CACNA2D3: variants seen among roughly 807,000 people sequenced by gnomAD.
The protein encoded by CACNA2D3 is voltage-dependent calcium channel subunit alpha-2/delta-3.
Under a neutral mutation model 160.6 loss-of-function variants are expected in CACNA2D3, and 60 were observed. The observed-to-expected ratio is 0.37, with a 90% CI of 0.30 to 0.46. The LOEUF (loss-of-function observed/expected upper bound fraction) is 0.46. CACNA2D3 is among the 20% of genes least tolerant of loss of function. CACNA2D3 has a pLI of 1.00. For missense variants in CACNA2D3, 1,205 were observed against 1,365.0 expected (o/e 0.88, Z 1.85); for synonymous variants, 558 against 492.9 (o/e 1.13, Z -1.75).
chr3:54,357,188 G>A (rs533371439), intron 3 of CACNA2D3, among the ~76,000 whole-genome samples: 1 of 152,280 alleles, frequency 6.6e-6, no homozygotes, highest in East Asian at 1.9e-4. Context: ...GCACCATGTT[G>A]CCCAAAGCAT....
chr3:55,019,863 G>A (rs1256759590), intron 35 of CACNA2D3, among the ~76,000 whole-genome samples: 1 of 152,138 alleles, frequency 6.6e-6, no homozygotes, highest in Non-Finnish European at 1.5e-5. Context: ...AAGTATGTTT[G>A]CTAAAGGACT....
chr3:54,369,284 A>C (rs1324664115), intron 3 of CACNA2D3, among the ~76,000 whole-genome samples: 1 of 151,358 alleles, frequency 6.6e-6, no homozygotes, highest in African/African-American at 2.4e-5. Flanking sequence ...AAAAAAAAAC[A>C]GTGGTATAGA....
At chr3:54,937,429 T>C (rs1359726912) in intron 27 of CACNA2D3, among the ~76,000 whole-genome samples, 2 of 152,226 alleles carry the variant, frequency 1.3e-5, no homozygotes, top group Non-Finnish European at 2.9e-5. Flanking sequence ...CAACTGGCCC[T>C]GTGGAACCCA....
At chr3:54,925,993 G>T (rs548415467) in intron 27 of CACNA2D3, among the ~76,000 whole-genome samples, 2 of 152,116 alleles carry the variant, frequency 1.3e-5, no homozygotes, top group Non-Finnish European at 2.9e-5. Context: ...TAATAGTTCT[G>T]CAAGTCCTTC....
chr3:54,330,983 T>G (rs1704237754), intron 3 of CACNA2D3, among the ~76,000 whole-genome samples: 1 of 152,088 alleles, frequency 6.6e-6, no homozygotes, highest in Non-Finnish European at 1.5e-5. Flanking sequence ...TCAGTACACA[T>G]GTGTTTATAA....
intron 4 of CACNA2D3, among the ~76,000 whole-genome samples, chr3:54,486,778 A>G (rs1451229957): frequency 1.3e-5 from 2 of 152,160 alleles, no homozygotes; most frequent in Non-Finnish European, 2.9e-5. Flanking sequence ...AGCCTGGGTC[A>G]TGTGCTCTTG....
chr3:54,811,688 A>G (rs1703322716), intron 13 of CACNA2D3, among the ~76,000 whole-genome samples: 1 of 151,284 alleles, frequency 6.6e-6, no homozygotes, highest in African/African-American at 2.4e-5. Flanking sequence ...TTTAGTAGAG[A>G]CAGGGTTTCG....
chr3:54,301,720 A>G (rs1575381573), intron 2 of CACNA2D3, among the ~76,000 whole-genome samples: 2 of 152,182 alleles, frequency 1.3e-5, no homozygotes, highest in Non-Finnish European at 2.9e-5. Context: ...CAGCAGGCAC[A>G]TGTGCACACA....
chr3:54,321,937 A>C (rs1704010282), intron 3 of CACNA2D3, among the ~76,000 whole-genome samples: 2 of 152,064 alleles, frequency 1.3e-5, no homozygotes, highest in African/African-American at 2.4e-5. Context: ...AAAAAAAAAA[A>C]AAAAACTAGT....
At chr3:55,013,594 C>T (rs1703258615) in intron 34 of CACNA2D3, among the ~76,000 whole-genome samples, 1 of 152,120 alleles carries the variant, frequency 6.6e-6, no homozygotes. Context: ...AAGATAAAGA[C>T]CCTGAGCTGA....
intron 10 of CACNA2D3, among the ~76,000 whole-genome samples, chr3:54,630,343 T>G (rs1010135586): frequency 6.6e-6 from 1 of 152,272 alleles, no homozygotes; most frequent in South Asian, 2.1e-4. Flanking sequence ...CTTTCCCTGG[T>G]ACCCTTTCTC....
chr3:54,835,710 C>T (rs979521072), intron 14 of CACNA2D3, among the ~76,000 whole-genome samples: 4 of 152,304 alleles, frequency 2.6e-5, no homozygotes, highest in South Asian at 2.1e-4. Flanking sequence ...TTCTAGTTCA[C>T]GGATTGCTTC....
chr3:54,538,872 A>G (rs1229305881), intron 5 of CACNA2D3, among the ~76,000 whole-genome samples: 1 of 152,150 alleles, frequency 6.6e-6, no homozygotes, highest in Non-Finnish European at 1.5e-5. Flanking sequence ...AACTTTGGAA[A>G]TGTGGCCCCA....
chr3:54,587,577 T>TA (rs1702784672), intron 9 of CACNA2D3, among the ~76,000 whole-genome samples: 2 of 150,974 alleles, frequency 1.3e-5, no homozygotes, highest in African/African-American at 2.4e-5. Context: ...TTAAAAAAAT[T>TA]TAAAAAAATA....
At chr3:54,381,333 A>G (rs1699099334) in intron 3 of CACNA2D3, among the ~76,000 whole-genome samples, 1 of 151,914 alleles carries the variant, frequency 6.6e-6, no homozygotes, top group Admixed American at 6.6e-5. Flanking sequence ...CTTTATTTGT[A>G]CACAATTTGT....
At chr3:55,013,816 T>C (rs1485570463) in intron 34 of CACNA2D3, among the ~76,000 whole-genome samples, 1 of 152,174 alleles carries the variant, frequency 6.6e-6, no homozygotes, top group Non-Finnish European at 1.5e-5. Context: ...GGAAGGCTTT[T>C]CAAATGGCAA....
rs1011951226 is a variant in CACNA2D3, at chr3:54,646,214, C to G, written c.1167+3973C>G. On this transcript the variant is annotated intron_variant, in intron 11 of 37. Transcript: ENST00000474759. ...TCCTTGCTTCCTTCCTTCCTTCCTT[C>G]CTTCCTTCCTTCCTTCCTTCCTTCC... is the stretch of plus-strand genomic sequence containing the variant. Among the ~76,000 whole-genome samples the G allele has an allele frequency of 6.0e-3, 623 of 103,448 alleles. 26 individuals carry two copies. Among genetic ancestry groups the G allele is most frequent in the African/African-American group, 0.023 (580 of 24,862 alleles). The allele number at this position is 103,448 out of a possible 152,430, so 67.9% of individuals were successfully genotyped here.
chr3:54,339,514 G>A (rs185617377), intron 3 of CACNA2D3, among the ~76,000 whole-genome samples: 1 of 152,172 alleles, frequency 6.6e-6, no homozygotes, highest in African/African-American at 2.4e-5. Flanking sequence ...TAAGGCATCT[G>A]GCTCTCATTT....
At chr3:54,227,542 T>C (rs1352266486) in intron 2 of CACNA2D3, among the ~76,000 whole-genome samples, 1 of 150,362 alleles carries the variant, frequency 6.7e-6, no homozygotes, top group East Asian at 2.0e-4. Context: ...ATTTCAGCTA[T>C]TGTCCATGGC....
Sources: gnomAD v4.1 joint callset for allele counts (sites outside exome capture counted in the v4.1 genomes callset) on GRCh38, gnomAD v4.1.1 for gene constraint, MANE v1.5 for transcripts, NCBI Gene and HGNC (gene_info 2026-07-23, HGNC 2026-07-21) for gene names.